The following EDIL3 variants were observed in gnomAD, a reference collection of about 807,000 sequenced individuals.
EDIL3 encodes EGF-like repeat and discoidin I-like domain-containing protein 3.
A neutral mutation model predicts 67.4 loss-of-function variants in EDIL3; 37 were observed. That is an observed-to-expected ratio of 0.55 (90% CI 0.42 to 0.72). EDIL3 has a LOEUF of 0.72. Among genes scored for constraint, EDIL3 ranks in the 30% least tolerant of loss-of-function variants. EDIL3 has a pLI of 0.00. For missense variants in EDIL3, 527 were observed against 586.3 expected (o/e 0.90, Z 1.04); for synonymous variants, 195 against 196.3 (o/e 0.99, Z 0.05).
At chr5:84,078,985 C>A (rs1746915492) in intron 6 of EDIL3, among the ~76,000 whole-genome samples, 3 of 152,192 alleles carry the variant, frequency 2.0e-5, no homozygotes, top group Non-Finnish European at 4.4e-5. Flanking sequence ...CCTGCCCCGT[C>A]CTCTAGGAAG....
At chr5:84,371,458 G>T (rs879441217) in intron 1 of EDIL3, among the ~76,000 whole-genome samples, 8,482 of 132,046 alleles carry the variant, frequency 0.064, 284 homozygotes, top group Non-Finnish European at 0.081. Context: ...TATAGAGAGA[G>T]AGAGAGAGAG....
chr5:84,106,145 G>A (rs1269623300), intron 6 of EDIL3, among the ~76,000 whole-genome samples: 1 of 151,968 alleles, frequency 6.6e-6, no homozygotes, highest in East Asian at 1.9e-4. Context: ...GTTTTCTCCT[G>A]TTTTAAAAAA....
chr5:84,057,936 G>A (rs989424872), intron 9 of EDIL3, among the ~76,000 whole-genome samples: 2 of 152,060 alleles, frequency 1.3e-5, no homozygotes, highest in African/African-American at 4.8e-5. Flanking sequence ...TTCCAATACA[G>A]TAAGAAAATG....
intron 7 of EDIL3, 149 bp downstream of exon 7, chr5:84,066,302 C>T: frequency 1.2e-6 from 1 of 800,224 alleles, no homozygotes; most frequent in Non-Finnish European, 1.8e-6. Flanking sequence ...ATTACTACTT[C>T]CTTCATCACA....
chr5:84,205,870 G>C (rs1463017450), intron 3 of EDIL3, among the ~76,000 whole-genome samples: 1 of 149,870 alleles, frequency 6.7e-6, no homozygotes, highest in East Asian at 2.0e-4. Flanking sequence ...CCAGCTCCTG[G>C]ATTCATTAAT....
intron 1 of EDIL3, among the ~76,000 whole-genome samples, chr5:84,313,690 CT>C (rs759797256): frequency 2.2e-4 from 33 of 152,184 alleles, no homozygotes; most frequent in Non-Finnish European, 3.8e-4. Flanking sequence ...ACCTGGAAAG[CT>C]TTTAAAAATC....
chr5:83,988,081 C>T (rs17590943), intron 9 of EDIL3, among the ~76,000 whole-genome samples: 14,433 of 151,826 alleles, frequency 0.095, 988 homozygotes, highest in East Asian at 0.29. Context: ...TGCAAATAAC[C>T]TTCCATTTCA....
intron 1 of EDIL3, among the ~76,000 whole-genome samples, chr5:84,365,596 T>C (rs1747712127): frequency 6.6e-6 from 1 of 152,134 alleles, no homozygotes; most frequent in African/African-American, 2.4e-5. Context: ...TAATTAATAT[T>C]CTGTTACAGT....
At chr5:84,313,534 G>A (rs937432516) in intron 1 of EDIL3, among the ~76,000 whole-genome samples, 1 of 152,172 alleles carries the variant, frequency 6.6e-6, no homozygotes. Context: ...TAGTCATTAA[G>A]TCTTCCTGAT....
intron 6 of EDIL3, among the ~76,000 whole-genome samples, chr5:84,073,543 A>T (rs1289793245): frequency 3.9e-5 from 6 of 152,228 alleles, no homozygotes; most frequent in Middle Eastern, 6.8e-3. Flanking sequence ...AGCATTCTTA[A>T]ACACCAACAA....
intron 4 of EDIL3, among the ~76,000 whole-genome samples, chr5:84,173,683 A>G (rs1055417387): frequency 3.9e-5 from 6 of 152,094 alleles, no homozygotes; most frequent in Admixed American, 6.5e-5. Flanking sequence ...ATCCATCACA[A>G]ACCACCCGGC....
chr5:84,358,997 C>T (rs1450805266), intron 1 of EDIL3, among the ~76,000 whole-genome samples: 1 of 152,112 alleles, frequency 6.6e-6, no homozygotes, highest in African/African-American at 2.4e-5. Context: ...AAGTAACAAG[C>T]CTCCCTGGGC....
chr5:84,179,407 C>T (rs186304476), intron 4 of EDIL3, among the ~76,000 whole-genome samples: 48 of 152,276 alleles, frequency 3.2e-4, no homozygotes, highest in African/African-American at 1.1e-3. Context: ...CACACACGCC[C>T]ATGCACTACA....
At chr5:84,347,540 A>G (rs1328207978) in intron 1 of EDIL3, among the ~76,000 whole-genome samples, 1 of 152,202 alleles carries the variant, frequency 6.6e-6, no homozygotes, top group African/African-American at 2.4e-5. Flanking sequence ...TTCTCTGATA[A>G]TCTCAGATAC....
rs191906585 is a variant in EDIL3, at chr5:84,001,586, A to C, written c.1138-38226T>G. On this transcript the variant is annotated intron_variant, in intron 9 of 10. Coordinates refer to ENST00000296591, the MANE Select transcript of EDIL3 (RefSeq NM_005711.5). ...AAAAGAGACAAGACCCAAATAAATA[A>C]AGTCAGAAATGGAAAAGAAGACATT... 7.1e-3 allele frequency among the ~76,000 whole-genome samples: 1,085 copies of C among 152,232 alleles called. 16 individuals are homozygous for C. The highest frequency in any genetic ancestry group is 0.024 in the African/African-American group (987 of 41,554).
chr5:84,252,387 C>T (rs1020784414), intron 2 of EDIL3, among the ~76,000 whole-genome samples: 3 of 149,164 alleles, frequency 2.0e-5, no homozygotes, highest in Non-Finnish European at 3.0e-5. Context: ...CCAGCTTCTC[C>T]GGAGGCTGAG....
At chr5:84,358,432 AACC>A (rs1400861248) in intron 1 of EDIL3, among the ~76,000 whole-genome samples, 1 of 152,094 alleles carries the variant, frequency 6.6e-6, no homozygotes. Flanking sequence ...TATATTGAAG[AACC>A]TAAATGGTGG....
At chr5:84,367,800 C>T (rs1282921329) in intron 1 of EDIL3, among the ~76,000 whole-genome samples, 2 of 152,082 alleles carry the variant, frequency 1.3e-5, no homozygotes, top group Non-Finnish European at 2.9e-5. Context: ...TCTACCCCAT[C>T]CTTTCAACCA....
chr5:84,377,079 C>A (rs975382705), intron 1 of EDIL3, among the ~76,000 whole-genome samples: 1 of 152,148 alleles, frequency 6.6e-6, no homozygotes, highest in Non-Finnish European at 1.5e-5. Context: ...GTAATCCCAG[C>A]ACTTTGGGAG....
Sources: gnomAD v4.1 joint callset for allele counts (sites outside exome capture counted in the v4.1 genomes callset) on GRCh38, gnomAD v4.1.1 for gene constraint, MANE v1.5 for transcripts, NCBI Gene and HGNC (gene_info 2026-07-23, HGNC 2026-07-21) for gene names.